Variants in UTRN observed in about 807,000 individuals in gnomAD.
The protein encoded by UTRN is utrophin, also known as dystrophin-related protein 1.
UTRN carries 283 observed loss-of-function variants against 463.9 expected under a neutral mutation model. The ratio of observed to expected loss-of-function variants is 0.61; its 90% confidence interval spans 0.55 to 0.67. The LOEUF (loss-of-function observed/expected upper bound fraction) is 0.67, where lower values mean the gene tolerates loss of function less well. Ranked by LOEUF, UTRN falls within the 30% of genes least tolerant of loss-of-function variation. UTRN has a pLI of 0.00. For missense variants in UTRN, 3,922 were observed against 4,084.3 expected (o/e 0.96, Z 1.08); for synonymous variants, 1,442 against 1,431.5 (o/e 1.01, Z -0.17).
intron 43 of UTRN, 42 bp from the exon 44 acceptor site, chr6:144,537,540 G>C (rs1797644277): frequency 7.0e-7 from 1 of 1,428,394 alleles, no homozygotes; most frequent in Admixed American, 2.8e-5. Context: ...TGCTTAATTG[G>C]ACAGTTTTTC....
Position 144,499,367 on chromosome 6 carries a change from A to G in UTRN, c.4704A>G (p.Val1568=), listed in dbSNP as rs1240774079. The G allele has an allele frequency of 6.2e-7, 1 of 1,613,330 alleles. No individual in the cohort carries two copies. Residue 1568 remains valine, a synonymous_variant, in exon 34 of 75, where the codon GTA becomes GTG. Coordinates refer to ENST00000367545, the MANE Select transcript of UTRN (RefSeq NM_007124.3). The part of the protein sequence containing the change: ...EWLSATETEL[V]QKSTSEGLLG... ...TTTCTGCTACTGAAACTGAATTGGTACAGAAGTCCACTTCAGAAGGTCTGC... is the reference window on the plus strand; with the variant it reads ...TTTCTGCTACTGAAACTGAATTGGTGCAGAAGTCCACTTCAGAAGGTCTGC...
At chr6:144,668,773 T>C (rs1054117109) in intron 51 of UTRN, among the ~76,000 whole-genome samples, 8 of 152,210 alleles carry the variant, frequency 5.3e-5, no homozygotes, top group African/African-American at 1.7e-4. Context: ...CCTAATACCA[T>C]TATTGTCAGG....
chr6:144,748,459 A>T lies in UTRN; in HGVS notation c.8153A>T (p.Lys2718Met). The change falls in exon 55 of 75, where the codon AAG becomes ATG. Residue 2718 changes from lysine (K) to methionine (M), a missense_variant. This residue lies in a region of UTRN where 1,309 missense variants were observed against 1,452.6 expected (regional missense o/e 0.90). Transcript: ENST00000367545. Reference protein sequence around the residue: ...KEAESVRNGWKPVGDLLIDSL... With the variant: ...KEAESVRNGWMPVGDLLIDSL... ...GCAGAGTCCGTGCGGAATGGCTGGA[A>T]GCCCGTGGGAGACTTACTCATTGAC... The T allele has an allele frequency of 6.2e-7, 1 of 1,613,992 alleles. No individual in the cohort carries two copies. The highest frequency in any genetic ancestry group is 2.2e-5 in the East Asian group (1 of 44,822).
At chr6:144,303,844 A>G (rs971770778) in intron 2 of UTRN, among the ~76,000 whole-genome samples, 1 of 152,192 alleles carries the variant, frequency 6.6e-6, no homozygotes, top group South Asian at 2.1e-4. Flanking sequence ...CTTCAGAGGA[A>G]CTTTAATTAA....
intron 51 of UTRN, among the ~76,000 whole-genome samples, chr6:144,584,186 G>A (rs1341487467): frequency 1.3e-5 from 2 of 152,150 alleles, no homozygotes; most frequent in Non-Finnish European, 2.9e-5. Context: ...TAGACTTACT[G>A]GAGACAACTT....
chr6:144,345,035 C>T (rs1429339284), intron 2 of UTRN, among the ~76,000 whole-genome samples: 2 of 152,108 alleles, frequency 1.3e-5, no homozygotes, highest in Non-Finnish European at 2.9e-5. Context: ...GTGTTTTATT[C>T]GATCATACAT....
intron 50 of UTRN, among the ~76,000 whole-genome samples, chr6:144,561,204 A>ATTAT (rs1799834853): frequency 1.1e-5 from 1 of 88,662 alleles, no homozygotes; most frequent in African/African-American, 4.3e-5. Context: ...CAAAAATAAC[A>ATTAT]TTATATATAT....
At chr6:144,562,483 C>T (rs770034049) in intron 50 of UTRN, among the ~76,000 whole-genome samples, 7 of 152,066 alleles carry the variant, frequency 4.6e-5, no homozygotes, top group Non-Finnish European at 1.0e-4. Flanking sequence ...CATTAGTTTG[C>T]GGTGGATAAT....
intron 66 of UTRN, among the ~76,000 whole-genome samples, chr6:144,827,102 G>C (rs1340545125): frequency 6.6e-6 from 1 of 152,026 alleles, no homozygotes; most frequent in African/African-American, 2.4e-5. Flanking sequence ...AGATGTGTTT[G>C]CTATCCTTGA....
chr6:144,604,779 G>A (rs1382468047), intron 51 of UTRN, among the ~76,000 whole-genome samples: 2 of 152,078 alleles, frequency 1.3e-5, no homozygotes, highest in African/African-American at 4.8e-5. Flanking sequence ...GCCGGGCATG[G>A]TGGCAGGCAT....
Position 144,704,108 on chromosome 6 carries a change from A to G in UTRN, c.7809+3865A>G, listed in dbSNP as rs375106518. 4.9e-4 allele frequency among the ~76,000 whole-genome samples: 75 copies of G among 152,296 alleles called. 2 individuals carry two copies. The highest frequency in any genetic ancestry group is 1.7e-3 in the African/African-American group (71 of 41,564). On this transcript the variant is annotated intron_variant, in intron 53 of 74. Transcript: ENST00000367545. ...CTGACTCCAAATATATTCATCATCC[A>G]TTTAAAACCTACTTACCGAATAACT... is the stretch of plus-strand genomic sequence containing the variant.
chr6:144,405,878 G>A (rs1004805604), intron 3 of UTRN, among the ~76,000 whole-genome samples: 31 of 152,300 alleles, frequency 2.0e-4, no homozygotes, highest in African/African-American at 6.7e-4. Context: ...AAAATGGTGA[G>A]AGACTTTACA....
At chr6:144,594,507 A>G (rs969260974) in intron 51 of UTRN, among the ~76,000 whole-genome samples, 3 of 152,236 alleles carry the variant, frequency 2.0e-5, no homozygotes, top group Non-Finnish European at 4.4e-5. Context: ...CAGTATTTGT[A>G]AATATTGAAT....
At chr6:144,660,935 A>G (rs1313868967) in intron 51 of UTRN, among the ~76,000 whole-genome samples, 7 of 152,218 alleles carry the variant, frequency 4.6e-5, no homozygotes, top group Non-Finnish European at 8.8e-5. Flanking sequence ...TAGCCTGCCA[A>G]ATACTACCTT....
At chr6:144,836,073 C>A in intron 70 of UTRN, 135 bp downstream of exon 70, 1 of 1,432,610 alleles carries the variant, frequency 7.0e-7, no homozygotes, top group Non-Finnish European at 9.4e-7. Flanking sequence ...AGGCTATTAA[C>A]AAACTGGGAT....
At chr6:144,700,057 GTTA>G (rs140389119) in intron 52 of UTRN, 27 bp from the exon 53 acceptor site, 6,170 of 1,479,180 alleles carry the variant, frequency 4.2e-3, no homozygotes, top group South Asian at 0.011. Context: ...TCTAAATGTG[GTTA>G]TTATTATTAT....
chr6:144,713,901 CA>C (rs1786062269), intron 53 of UTRN, among the ~76,000 whole-genome samples: 1 of 110,120 alleles, frequency 9.1e-6, no homozygotes. Flanking sequence ...GCCTGGGAAA[CA>C]AGAGTGAAAC....
At chr6:144,388,595 T>C (rs1222461921) in intron 2 of UTRN, among the ~76,000 whole-genome samples, 1 of 152,010 alleles carries the variant, frequency 6.6e-6, no homozygotes, top group Non-Finnish European at 1.5e-5. Flanking sequence ...CCTCCCCAGA[T>C]TCAGGTGATC....
chr6:144,580,921 A>G (rs4428521), intron 51 of UTRN, among the ~76,000 whole-genome samples: 3,796 of 152,238 alleles, frequency 0.025, 166 homozygotes, highest in African/African-American at 0.085. Context: ...CAGAAAGGAG[A>G]CAATGGCAGG....
Sources: gnomAD v4.1 joint callset for allele counts (sites outside exome capture counted in the v4.1 genomes callset) on GRCh38, gnomAD v4.1.1 for gene constraint, gnomAD v4.1.1 regional missense constraint, MANE v1.5 for transcripts, NCBI Gene and HGNC (gene_info 2026-07-23, HGNC 2026-07-21) for gene names.